Variants in MIPEP observed in about 807,000 individuals in gnomAD.
MIPEP encodes mitochondrial intermediate peptidase.
MIPEP carries 79 observed loss-of-function variants against 90.3 expected under a neutral mutation model. The observed-to-expected ratio is 0.87, with a 90% confidence interval of 0.73 to 1.05. The LOEUF is 1.05. MIPEP is among the 50% of genes least tolerant of loss of function. The probability of loss-of-function intolerance (pLI) is 0.00; values close to 1 mark genes in which losing one functional copy is unlikely to be tolerated. For synonymous variants in MIPEP, 334 were observed against 315.8 expected, an observed-to-expected ratio of 1.06 and a Z score of -0.61; for missense variants, 940 against 905.6, an observed-to-expected ratio of 1.04 and a Z score of -0.49.
At chr13:23,787,473 G>C (rs1477738145) in intron 16 of MIPEP, among the ~76,000 whole-genome samples, 2 of 152,030 alleles carry the variant, frequency 1.3e-5, no homozygotes, top group Non-Finnish European at 2.9e-5. Context: ...TGCTTCTCCT[G>C]TCTCTTCTTC....
At chr13:23,743,121 G>A (rs1466571157) in intron 18 of MIPEP, among the ~76,000 whole-genome samples, 4 of 152,216 alleles carry the variant, frequency 2.6e-5, no homozygotes, top group Non-Finnish European at 5.9e-5. Flanking sequence ...ACAGATTTGG[G>A]AGTGAAAAGG....
chr13:23,765,943 A>T (rs1158697615), intron 16 of MIPEP: 1 of 152,180 alleles, frequency 6.6e-6, no homozygotes, highest in Non-Finnish European at 1.5e-5. Context: ...AAATACATTG[A>T]CTATATACCA....
chr13:23,776,859 T>C (rs1343856819), intron 16 of MIPEP, among the ~76,000 whole-genome samples: 2 of 151,908 alleles, frequency 1.3e-5, no homozygotes, highest in Admixed American at 6.6e-5. Flanking sequence ...AAATATATAG[T>C]GCACAGCACA....
intron 18 of MIPEP, among the ~76,000 whole-genome samples, chr13:23,732,166 T>A (rs959111600): frequency 1.3e-5 from 2 of 151,766 alleles, no homozygotes; most frequent in African/African-American, 4.8e-5. Context: ...TTTTTAAACT[T>A]CTTGTAGAGA....
chr13:23,827,768 C>T (rs1868533335), intron 14 of MIPEP, among the ~76,000 whole-genome samples: 2 of 152,210 alleles, frequency 1.3e-5, no homozygotes, highest in South Asian at 4.1e-4. Context: ...CCCACCTCTA[C>T]TAAAATTACA....
chr13:23,846,017 C>T (rs1208483378), intron 10 of MIPEP, among the ~76,000 whole-genome samples: 3 of 151,464 alleles, frequency 2.0e-5, no homozygotes, highest in Non-Finnish European at 2.9e-5. Context: ...TGGGTTCAAG[C>T]GATTCTCCTG....
chr13:23,885,994 A>C (rs1270418676), intron 2 of MIPEP, among the ~76,000 whole-genome samples: 2 of 151,784 alleles, frequency 1.3e-5, no homozygotes, highest in Non-Finnish European at 2.9e-5. Context: ...AGACACTTTC[A>C]TAAATGAAGA....
At chr13:23,778,484 C>A (rs1400539880) in intron 16 of MIPEP, among the ~76,000 whole-genome samples, 2 of 152,060 alleles carry the variant, frequency 1.3e-5, no homozygotes, top group African/African-American at 4.8e-5. Flanking sequence ...TCATGGGGAC[C>A]CCTGGTGGCC....
At chr13:23,839,573 A>G in intron 12 of MIPEP, 76 bp downstream of exon 12, 1 of 925,464 alleles carries the variant, frequency 1.1e-6, no homozygotes, top group Non-Finnish European at 1.6e-6. Context: ...AATTTAAAAA[A>G]TGATACAAAG....
At chr13:23,750,268 T>C (rs1952428652) in intron 18 of MIPEP, among the ~76,000 whole-genome samples, 1 of 152,190 alleles carries the variant, frequency 6.6e-6, no homozygotes, top group Non-Finnish European at 1.5e-5. Flanking sequence ...AGCTACACTT[T>C]AGTCAGATTG....
At chr13:23,741,678 A>G (rs1952330498) in intron 18 of MIPEP, among the ~76,000 whole-genome samples, 1 of 135,766 alleles carries the variant, frequency 7.4e-6, no homozygotes, top group Non-Finnish European at 1.6e-5. Flanking sequence ...AGTGTGGAGC[A>G]TGGGAGGAGG....
At chr13:23,736,637 G>A (rs1034222704) in intron 18 of MIPEP, among the ~76,000 whole-genome samples, 3 of 152,098 alleles carry the variant, frequency 2.0e-5, no homozygotes, top group Admixed American at 1.3e-4. Flanking sequence ...CTCTTCTTCC[G>A]AGTGACTGCA....
At chr13:23,851,076 T>C (rs1294430724) in intron 10 of MIPEP, among the ~76,000 whole-genome samples, 1 of 152,188 alleles carries the variant, frequency 6.6e-6, no homozygotes, top group Non-Finnish European at 1.5e-5. Flanking sequence ...CCAAGCCTCT[T>C]TGAATTACTG....
intron 14 of MIPEP, among the ~76,000 whole-genome samples, chr13:23,828,323 T>G (rs1868570514): frequency 2.0e-5 from 3 of 152,184 alleles, no homozygotes; most frequent in Admixed American, 2.0e-4. Flanking sequence ...AAGGAGGCTC[T>G]CATAAGTGGA....
rs143277562 is a variant in MIPEP at position 23,734,249 on chromosome 13, A to AC, written c.2045-3805dup. Among the ~76,000 whole-genome samples, 131 of 152,210 alleles carry AC rather than the reference A, an allele frequency of 8.6e-4. 1 individual carries two copies. In the East Asian group the frequency reaches 0.022, roughly 25 times the overall value. ...CAGCTTTGGCGCCCTCCTCCTCTGT[A>AC]CAGGGTAGCTTCTTCCTTCTCTTTT... On this transcript the variant is annotated intron_variant, in intron 18 of 18. Coordinates refer to ENST00000382172, the MANE Select transcript of MIPEP (RefSeq NM_005932.4).
chr13:23,850,439 T>C (rs1374989119), intron 10 of MIPEP, among the ~76,000 whole-genome samples: 1 of 152,216 alleles, frequency 6.6e-6, no homozygotes, highest in Non-Finnish European at 1.5e-5. Flanking sequence ...CCATTGCTAA[T>C]TTGGTTCTGT....
chr13:23,765,512 G>A (rs905918398), intron 16 of MIPEP, among the ~76,000 whole-genome samples: 1 of 152,186 alleles, frequency 6.6e-6, no homozygotes, highest in Admixed American at 6.5e-5. Context: ...ACTATCTGTA[G>A]CTTCAGGCAT....
At chr13:23,762,955 G>T (rs927741042) in intron 16 of MIPEP, among the ~76,000 whole-genome samples, 1 of 152,200 alleles carries the variant, frequency 6.6e-6, no homozygotes, top group Admixed American at 6.5e-5. Flanking sequence ...TGCCAGCAAG[G>T]TCCCTCCAGC....
At chr13:23,787,985 C>T (rs1018939585) in intron 16 of MIPEP, among the ~76,000 whole-genome samples, 2 of 152,272 alleles carry the variant, frequency 1.3e-5, no homozygotes, top group East Asian at 1.9e-4. Context: ...TCACAGAGAA[C>T]TGAATGGCCA....
Sources: allele counts gnomAD v4.1 joint callset (sites outside exome capture counted in the v4.1 genomes callset), GRCh38; gene constraint gnomAD v4.1.1; transcripts MANE v1.5; gene names NCBI Gene and HGNC (gene_info 2026-07-23, HGNC 2026-07-21).